Variants in PTPN3 observed in about 807,000 individuals in gnomAD.
PTPN3 encodes the protein protein tyrosine phosphatase non-receptor type 3.
In PTPN3, 96 loss-of-function variants were observed where a neutral mutation model predicts 132.7. That is an observed-to-expected ratio of 0.72 (90% CI 0.61 to 0.86). PTPN3 has a LOEUF of 0.86. Ranked by LOEUF, PTPN3 falls within the 40% of genes least tolerant of loss-of-function variation. The probability of loss-of-function intolerance (pLI) is 0.00; values close to 1 mark genes in which losing one functional copy is unlikely to be tolerated. For missense variants in PTPN3, 1,125 were observed against 1,159.6 expected, an observed-to-expected ratio of 0.97 and a Z score of 0.43; for synonymous variants, 398 against 429.0, an observed-to-expected ratio of 0.93 and a Z score of 0.89.
At chr9:109,393,613 C>G (rs1237015749) in intron 19 of PTPN3, among the ~76,000 whole-genome samples, 1 of 151,842 alleles carries the variant, frequency 6.6e-6, no homozygotes, top group Non-Finnish European at 1.5e-5. Context: ...TCTTGAACTC[C>G]TGACCTCAGG....
At chr9:109,452,065 C>T (rs572375587) in intron 5 of PTPN3, among the ~76,000 whole-genome samples, 85 of 151,942 alleles carry the variant, frequency 5.6e-4, no homozygotes, top group Non-Finnish European at 9.7e-4. Flanking sequence ...GTCAAGAGAT[C>T]GAGACCATCC....
At chr9:109,406,787 T>C (rs1841604559) in intron 17 of PTPN3, among the ~76,000 whole-genome samples, 169 bp from the exon 18 acceptor site, 2 of 152,234 alleles carry the variant, frequency 1.3e-5, no homozygotes. Flanking sequence ...TATGTGGACA[T>C]GGTAGATGGT....
At chr9:109,477,530 C>G (rs941990190) in intron 1 of PTPN3, among the ~76,000 whole-genome samples, 4 of 152,226 alleles carry the variant, frequency 2.6e-5, no homozygotes, top group Admixed American at 6.5e-5. Flanking sequence ...GTGGCCAACG[C>G]ACCTTTCAGA....
At chr9:109,424,802 C>G (rs576440316) in intron 12 of PTPN3, among the ~76,000 whole-genome samples, 1 of 152,342 alleles carries the variant, frequency 6.6e-6, no homozygotes, top group East Asian at 1.9e-4. Flanking sequence ...TGAGATATAA[C>G]AGAATGGGTG....
intron 7 of PTPN3, among the ~76,000 whole-genome samples, chr9:109,439,695 G>T (rs979070461): frequency 3.3e-5 from 5 of 152,144 alleles, no homozygotes; most frequent in African/African-American, 9.7e-5. Context: ...GATCACCTGC[G>T]GTCAGAGGTT....
chr9:109,449,368 G>C (rs777090631), intron 5 of PTPN3: 20 of 986,274 alleles, frequency 2.0e-5, no homozygotes, highest in Non-Finnish European at 2.3e-5. Context: ...CCCCAGGTGA[G>C]CATTCTGTGT....
intron 14 of PTPN3, among the ~76,000 whole-genome samples, chr9:109,413,761 G>GT (rs1252585360): frequency 1.3e-5 from 2 of 152,136 alleles, no homozygotes; most frequent in Admixed American, 6.5e-5. Flanking sequence ...ACAGAGAAAT[G>GT]TGAGACACAG....
At chr9:109,534,305 G>T in the PTPN3 span, 1 of 1,529,234 alleles carries the variant, frequency 6.5e-7, no homozygotes, top group Non-Finnish European at 8.7e-7. Context: ...GCGGCGGGCG[G>T]CTGCTGGGTC....
At chr9:109,533,818 G>T in the PTPN3 span, 10 of 919,262 alleles carry the variant, frequency 1.1e-5, no homozygotes, top group African/African-American at 1.6e-5. Flanking sequence ...CCCATCCCTC[G>T]TTCTTTCCCC....
chr9:109,466,546 T>G (rs1376439036), intron 1 of PTPN3, among the ~76,000 whole-genome samples: 1 of 152,228 alleles, frequency 6.6e-6, no homozygotes, highest in Admixed American at 6.5e-5. Context: ...CATAGACCAG[T>G]GCTTCTCACA....
At chr9:109,459,472 T>C (rs1373762156) in intron 2 of PTPN3, among the ~76,000 whole-genome samples, 1 of 152,210 alleles carries the variant, frequency 6.6e-6, no homozygotes, top group Non-Finnish European at 1.5e-5. Context: ...TGCTGGAAGC[T>C]TGGGGTGGCA....
intron 10 of PTPN3, among the ~76,000 whole-genome samples, chr9:109,431,847 C>A (rs181083798): frequency 6.6e-6 from 1 of 152,214 alleles, no homozygotes; most frequent in Non-Finnish European, 1.5e-5. Context: ...TACTTAACTT[C>A]TTTGTACCTC....
chr9:109,428,550 A>G, intron 11 of PTPN3, 71 bp downstream of exon 11: 1 of 1,514,204 alleles, frequency 6.6e-7, no homozygotes, highest in Non-Finnish European at 9.1e-7. Flanking sequence ...TGGGCAACAT[A>G]GCGAGACCCT....
chr9:109,534,556 C>T, the PTPN3 span, among the ~76,000 whole-genome samples: 2 of 150,316 alleles, frequency 1.3e-5, no homozygotes, highest in South Asian at 2.1e-4. Flanking sequence ...GCGGGCGAAT[C>T]GCCTGAGGTC....
At chr9:109,456,796 C>T (rs1346217002) in intron 4 of PTPN3, among the ~76,000 whole-genome samples, 2 of 151,922 alleles carry the variant, frequency 1.3e-5, no homozygotes, top group Admixed American at 6.6e-5. Context: ...CGCGACTATG[C>T]TGTTGGAAAG....
chr9:109,459,481 C>T (rs1845726779), intron 2 of PTPN3, among the ~76,000 whole-genome samples: 1 of 152,218 alleles, frequency 6.6e-6, no homozygotes, highest in African/African-American at 2.4e-5. Context: ...CTTGGGGTGG[C>T]AGCCACGTGA....
intron 2 of PTPN3, among the ~76,000 whole-genome samples, chr9:109,462,463 A>C (rs3935785): frequency 1.3e-5 from 2 of 152,116 alleles, no homozygotes; most frequent in Non-Finnish European, 2.9e-5. Context: ...CTCTCATCCC[A>C]TCTTCTCTTC....
intron 7 of PTPN3, among the ~76,000 whole-genome samples, chr9:109,440,888 C>T (rs1434710200): frequency 6.6e-6 from 1 of 152,204 alleles, no homozygotes; most frequent in Non-Finnish European, 1.5e-5. Flanking sequence ...GTGCAAAGCT[C>T]TGTGCTAACC....
the PTPN3 span, among the ~76,000 whole-genome samples, chr9:109,509,309 A>G: frequency 6.6e-6 from 1 of 152,162 alleles, no homozygotes; most frequent in African/African-American, 2.4e-5. Flanking sequence ...AGCCTCTGTG[A>G]CAGTATTTTA....
Sources: allele counts gnomAD v4.1 joint callset (sites outside exome capture counted in the v4.1 genomes callset), GRCh38; gene constraint gnomAD v4.1.1; transcripts MANE v1.5; gene names NCBI Gene and HGNC (gene_info 2026-07-23, HGNC 2026-07-21).